The following PCDHGB1 variants were observed in gnomAD, a reference collection of about 807,000 sequenced individuals.
The protein encoded by PCDHGB1 is protocadherin gamma-B1.
In PCDHGB1, 34 loss-of-function variants were observed where a neutral mutation model predicts 56.6. That is an observed-to-expected ratio of 0.60 (90% CI 0.46 to 0.80). The LOEUF is 0.80. Among genes scored for constraint, PCDHGB1 ranks in the 30% least tolerant of loss-of-function variants. The pLI is 0.00. For synonymous variants in PCDHGB1, 561 were observed against 505.9 expected, an observed-to-expected ratio of 1.11 and a Z score of -1.46; for missense variants, 1,278 against 1,204.6, an observed-to-expected ratio of 1.06 and a Z score of -0.90.
At position 141,477,458 on chromosome 5, in the gene PCDHGB1, T is replaced by C; in HGVS notation, c.2410-17349T>C. 6.2e-7 allele frequency: 1 copy of C among 1,614,126 alleles called. No homozygotes were observed. The highest frequency in any genetic ancestry group is 8.5e-7 in the Non-Finnish European group (1 of 1,180,022). ...CCTTACAATAGTGCGTGTTCAAGTG[T>C]CCGACATCAATGACAACCCTCCACA... On this transcript the variant is annotated intron_variant, in intron 1 of 3. Transcript: ENST00000523390. This position sits in a 1 kb window ranked among gnomAD's most constrained non-coding sequence, Gnocchi z 4.9.
chr5:141,419,769 C>A (rs773303779), intron 1 of PCDHGB1: 14 of 1,614,006 alleles, frequency 8.7e-6, no homozygotes, highest in East Asian at 4.5e-5. Context: ...GACAAGGACT[C>A]GGTCCGCCAG....
intron 1 of PCDHGB1, among the ~76,000 whole-genome samples, chr5:141,466,268 T>A (rs568525260): frequency 6.6e-6 from 1 of 152,150 alleles, no homozygotes; most frequent in Non-Finnish European, 1.5e-5. Context: ...CCTCGTGAGC[T>A]CAAGCAATCT....
chr5:141,366,653 T>C (rs1764716259), intron 1 of PCDHGB1: 3 of 1,614,122 alleles, frequency 1.9e-6, no homozygotes, highest in Non-Finnish European at 1.7e-6. Context: ...CCAGCCCAAC[T>C]ACGCAGACAC....
At chr5:141,478,941 A>C (rs889484528) in intron 1 of PCDHGB1, 9 of 589,470 alleles carry the variant, frequency 1.5e-5, no homozygotes, top group Non-Finnish European at 2.0e-5. Context: ...TTCTAGGAAT[A>C]CAAAAACTAC....
At chr5:141,364,099 G>T in intron 1 of PCDHGB1, 1 of 407,086 alleles carries the variant, frequency 2.5e-6, no homozygotes, top group Non-Finnish European at 4.3e-6. Context: ...ATTTGATGCA[G>T]TCACTGGTTA....
chr5:141,388,521 A>T (rs978300482), intron 1 of PCDHGB1: 2 of 1,613,722 alleles, frequency 1.2e-6, no homozygotes, highest in African/African-American at 2.7e-5. Context: ...CTTGACTTTG[A>T]CTGCCTTGGA....
At chr5:141,433,853 A>G (rs934981508) in intron 1 of PCDHGB1, among the ~76,000 whole-genome samples, 1 of 152,026 alleles carries the variant, frequency 6.6e-6, no homozygotes, top group Non-Finnish European at 1.5e-5. Flanking sequence ...AAAAAAAAAA[A>G]AACTTTATCC....
rs137901127 is a variant in PCDHGB1 at position 141,436,420 on chromosome 5, A to G, written c.2410-58387A>G. 1.4e-3 allele frequency among the ~76,000 whole-genome samples: 213 copies of G among 152,326 alleles called. 1 individual carries two copies. The highest frequency in any genetic ancestry group is 4.8e-3 in the African/African-American group (199 of 41,594). ...AGTTGTTGAATGAATGGATAAACAA[A>G]TAATGTACTCTGGGGATTACCTGAT... On this transcript the variant is annotated intron_variant, in intron 1 of 3. Coordinates refer to ENST00000523390, the MANE Select transcript of PCDHGB1 (RefSeq NM_018922.3).
rs776773140 is a variant in PCDHGB1, at chr5:141,476,589, G to T, written c.2410-18218G>T. The T allele has an allele frequency of 6.2e-7, 1 of 1,614,246 alleles. No individual in the cohort carries two copies. Among genetic ancestry groups the T allele is most frequent in the South Asian group, 1.1e-5 (1 of 91,090 alleles). On this transcript the variant is annotated intron_variant, in intron 1 of 3. Coordinates refer to ENST00000523390, the MANE Select transcript of PCDHGB1 (RefSeq NM_018922.3). This position sits in a 1 kb window ranked among gnomAD's most constrained non-coding sequence, Gnocchi z 7.6. ...CCGGGGACGCGCTTTCCGCTCGAGA[G>T]CGCGCACGATCCCGATGTGGGAAGC...
intron 1 of PCDHGB1, chr5:141,423,750 T>TG (rs144521096): frequency 0.16 from 45,934 of 282,282 alleles, 1,791 homozygotes; most frequent in African/African-American, 0.37. Context: ...GAAAACTGTT[T>TG]GGGGGGGGGG....
chr5:141,373,110 T>C (rs878923875), intron 1 of PCDHGB1, among the ~76,000 whole-genome samples: 8 of 152,232 alleles, frequency 5.3e-5, no homozygotes, highest in African/African-American at 1.9e-4. Flanking sequence ...GACATATCTA[T>C]CCAGAATTAG....
intron 1 of PCDHGB1, among the ~76,000 whole-genome samples, chr5:141,425,919 G>C (rs11167745): frequency 0.3 from 45,848 of 152,124 alleles, 8,179 homozygotes; most frequent in African/African-American, 0.5. Context: ...CAGTCACTAC[G>C]AAAACTCATA....
intron 1 of PCDHGB1, among the ~76,000 whole-genome samples, chr5:141,430,253 T>G (rs2097270288): frequency 9.8e-6 from 1 of 102,050 alleles, no homozygotes; most frequent in Admixed American, 1.0e-4. Context: ...TAGGGAGACA[T>G]CTCCATAATA....
intron 1 of PCDHGB1, among the ~76,000 whole-genome samples, chr5:141,369,429 C>T (rs940701313): frequency 2.0e-5 from 3 of 152,160 alleles, no homozygotes; most frequent in Admixed American, 6.5e-5. Context: ...CAATTTGGGA[C>T]GCTGAGGTGG....
intron 1 of PCDHGB1, chr5:141,422,413 GAA>G (rs753790858): frequency 6.2e-7 from 1 of 1,604,644 alleles, no homozygotes; most frequent in South Asian, 1.1e-5. Flanking sequence ...TTTTAAATTA[GAA>G]AAGACTTATG....
At position 141,423,686 on chromosome 5, in the gene PCDHGB1, A is replaced by T. The variant is rs752078243; in HGVS notation, c.2409+71017A>T. 10 of 1,328,296 alleles carry T rather than the reference A, an allele frequency of 7.5e-6. No homozygotes were observed. The East Asian group carries it at 3.6e-4, about 47-fold the overall frequency. The allele number at this position is 1,328,296 out of a possible 1,614,324, so 82.3% of individuals were successfully genotyped here. The stretch of plus-strand genomic sequence containing the variant: ...GTGAGATTTATTTCTCTGCCTCCTA[A>T]TTGTTGGTGTCTTGGCACAAGTCTT... On this transcript the variant is annotated intron_variant, in intron 1 of 3. Transcript: ENST00000523390.
intron 1 of PCDHGB1, chr5:141,400,525 G>A: frequency 6.2e-7 from 1 of 1,613,908 alleles, no homozygotes; most frequent in Non-Finnish European, 8.5e-7. Context: ...TCCTGAGTTG[G>A]TGAGTTTCAT....
chr5:141,448,565 AT>A (rs2098595794), intron 1 of PCDHGB1, among the ~76,000 whole-genome samples: 1 of 152,070 alleles, frequency 6.6e-6, no homozygotes, highest in Non-Finnish European at 1.5e-5. Flanking sequence ...ATATATTTTT[AT>A]TTCCCCATTT....
At chr5:141,500,450 C>A (rs2099800340) in intron 2 of PCDHGB1, among the ~76,000 whole-genome samples, 1 of 152,072 alleles carries the variant, frequency 6.6e-6, no homozygotes, top group Non-Finnish European at 1.5e-5. Flanking sequence ...ACCTCGTGAT[C>A]CGCCCGCCTC....
Sources: allele counts gnomAD v4.1 joint callset (sites outside exome capture counted in the v4.1 genomes callset), GRCh38; gene constraint gnomAD v4.1.1; non-coding constraint Gnocchi (gnomAD v3.1); transcripts MANE v1.5; gene names NCBI Gene and HGNC (gene_info 2026-07-23, HGNC 2026-07-21).